The following SULT4A1 variants were observed in gnomAD, a reference collection of about 807,000 sequenced individuals.
SULT4A1 encodes sulfotransferase 4A1.
In SULT4A1, 11 loss-of-function variants were observed where a neutral mutation model predicts 35.2. The ratio of observed to expected loss-of-function variants is 0.31; its 90% confidence interval spans 0.20 to 0.52. SULT4A1 has a LOEUF of 0.52. SULT4A1 is among the 20% of genes least tolerant of loss of function. The pLI, the probability that SULT4A1 is intolerant of heterozygous loss-of-function variation, is 0.97. For missense variants in SULT4A1, 271 were observed against 383.7 expected (o/e 0.71, Z 2.45); for synonymous variants, 152 against 151.8 (o/e 1.00, Z -0.01).
rs1384618245 is a variant in SULT4A1 at position 43,844,889 on chromosome 22, G to A, written c.170-2957C>T. ...ACACCTGGTGCAGGCAGGAGGAAGCGGGGCCCCGCCTGGACCACACATGGG... is the reference window on the plus strand; with the variant it reads ...ACACCTGGTGCAGGCAGGAGGAAGCAGGGCCCCGCCTGGACCACACATGGG... On this transcript the variant is annotated intron_variant, in intron 1 of 6. Coordinates refer to ENST00000330884, the MANE Select transcript of SULT4A1 (RefSeq NM_014351.4). 6.6e-5 allele frequency among the ~76,000 whole-genome samples: 10 copies of A among 152,308 alleles called. No individual in the cohort carries two copies. In the South Asian group the frequency reaches 1.7e-3, roughly 25 times the overall value.
intron 4 of SULT4A1, among the ~76,000 whole-genome samples, chr22:43,837,281 T>C (rs567653187): frequency 6.6e-6 from 1 of 152,276 alleles, no homozygotes; most frequent in East Asian, 1.9e-4. Flanking sequence ...CAGTGGAGGA[T>C]GGGTCTGTGA....
intron 5 of SULT4A1, among the ~76,000 whole-genome samples, 182 bp downstream of exon 5, chr22:43,833,458 G>A (rs994792680): frequency 1.3e-5 from 2 of 151,372 alleles, no homozygotes; most frequent in Non-Finnish European, 2.9e-5. Flanking sequence ...CTCAGGCTTT[G>A]ACAGGCTGCT....
intron 1 of SULT4A1, among the ~76,000 whole-genome samples, chr22:43,861,845 G>C (rs1242331546): frequency 6.6e-6 from 1 of 152,248 alleles, no homozygotes; most frequent in African/African-American, 2.4e-5. Flanking sequence ...TTCAGGAACA[G>C]AGAGGTTGAG....
At chr22:43,847,703 C>T (rs1050224164) in intron 1 of SULT4A1, among the ~76,000 whole-genome samples, 3 of 152,156 alleles carry the variant, frequency 2.0e-5, no homozygotes, top group African/African-American at 7.2e-5. Flanking sequence ...GGTCACTGCT[C>T]GCAGGAAGCC....
intron 6 of SULT4A1, among the ~76,000 whole-genome samples, chr22:43,827,888 T>C: frequency 6.6e-6 from 1 of 152,166 alleles, no homozygotes; most frequent in East Asian, 1.9e-4. Flanking sequence ...CAAATATTTA[T>C]GAAAATGCAG....
chr22:43,829,789 C>T (rs900346208), intron 5 of SULT4A1, among the ~76,000 whole-genome samples: 3 of 152,168 alleles, frequency 2.0e-5, no homozygotes, highest in African/African-American at 7.2e-5. Flanking sequence ...CCACTTTCTC[C>T]CCAAGAGATG....
intron 1 of SULT4A1, among the ~76,000 whole-genome samples, chr22:43,847,752 T>C (rs1321403960): frequency 1.3e-5 from 2 of 152,244 alleles, no homozygotes; most frequent in Non-Finnish European, 2.9e-5. Context: ...TGCCCCTGCC[T>C]GGTCCCACAG....
Position 43,862,214 on chromosome 22 carries a change from C to A in SULT4A1, c.169G>T (p.Gly57Cys). Reference protein sequence around the residue: ...DVWIVTYPKSGTSLLQEVVYL... With the variant: ...DVWIVTYPKSCTSLLQEVVYL... ...CGGGCGCGGTCGGCGCGGGGCTCAC[C>A]GGACTTGGGGTAGGTGACGATCCAC... The change falls in exon 1 of 7, where the codon GGC becomes TGC. Residue 57 changes from glycine to cysteine, a missense_variant and splice_region_variant. Around this residue, in one of 3 missense-constraint regions of SULT4A1, gnomAD observed 164 missense variants for 254.1 expected, o/e 0.65. Coordinates refer to ENST00000330884, the MANE Select transcript of SULT4A1 (RefSeq NM_014351.4). The A allele has an allele frequency of 6.5e-7, 1 of 1,548,340 alleles. No homozygotes were observed. Among genetic ancestry groups the A allele is most frequent in the Admixed American group, 1.9e-5 (1 of 53,744 alleles).
Position 43,825,773 on chromosome 22 carries a change from G to A in SULT4A1, c.*228C>T, listed in dbSNP as rs558906613. 464 of 508,912 alleles carry A rather than the reference G, an allele frequency of 9.1e-4. 6 individuals carry two copies. Among genetic ancestry groups the A allele is most frequent in the South Asian group, 1.3e-3 (56 of 43,408 alleles). 31.5% of individuals were successfully genotyped at this position (508,912 alleles called of 1,614,324 possible). On this transcript the variant is annotated 3_prime_UTR_variant, in exon 7 of 7. Transcript: ENST00000330884. Reference sequence around the variant, plus strand: ...GTCCAGGCCATTGGAACTGCAATGTGGAGACTGTTTGTAATCAGACATGGA... The same window carrying A: ...GTCCAGGCCATTGGAACTGCAATGTAGAGACTGTTTGTAATCAGACATGGA...
chr22:43,846,105 G>GTT (rs1401707019), intron 1 of SULT4A1, among the ~76,000 whole-genome samples: 1 of 152,142 alleles, frequency 6.6e-6, no homozygotes, highest in Non-Finnish European at 1.5e-5. Context: ...CCTTCACCAT[G>GTT]TTCCACTCCC....
At chr22:43,836,489 A>C (rs1478925202) in intron 4 of SULT4A1, among the ~76,000 whole-genome samples, 12 of 92,936 alleles carry the variant, frequency 1.3e-4, no homozygotes, top group Non-Finnish European at 2.0e-4. Flanking sequence ...AGCGTCCTCC[A>C]ACTGCAGGTG....
chr22:43,841,361 G>A (rs977877707), intron 2 of SULT4A1, among the ~76,000 whole-genome samples: 2 of 152,192 alleles, frequency 1.3e-5, no homozygotes, highest in African/African-American at 2.4e-5. Context: ...AACTAAAGAG[G>A]TGCAGCGGAC....
intron 1 of SULT4A1, among the ~76,000 whole-genome samples, chr22:43,848,752 G>A (rs1398828246): frequency 1.3e-5 from 2 of 152,220 alleles, no homozygotes; most frequent in Non-Finnish European, 2.9e-5. Flanking sequence ...CCGCTGCCGA[G>A]GTGGGGGCCT....
rs144542554 is a variant in SULT4A1, at chr22:43,841,870, C to T, written c.232G>A (p.Gly78Ser). ...VSQGADPDEI[G>S]LMNIDEQLPV... Reference sequence around the variant, plus strand: ...AGCTGCTCGTCGATGTTCATCAAGCCGATCTCATCGGGGTCAGCGCCCTGG... The same window carrying T: ...AGCTGCTCGTCGATGTTCATCAAGCTGATCTCATCGGGGTCAGCGCCCTGG... Residue 78 changes from glycine (G) to serine (S), a missense_variant, in exon 2 of 7, where the codon GGC becomes AGC. Gly to Ser is a moderately conservative substitution (Grantham distance 56). This residue lies in a region of SULT4A1 where 164 missense variants were observed against 254.1 expected (regional missense o/e 0.65). Coordinates refer to ENST00000330884, the MANE Select transcript of SULT4A1 (RefSeq NM_014351.4). 23 of 1,613,936 alleles carry T rather than the reference C, an allele frequency of 1.4e-5. No individual in the cohort carries two copies. The highest frequency in any genetic ancestry group is 1.6e-4 in the Middle Eastern group (1 of 6,080).
At chr22:43,853,109 C>T (rs1360224746) in intron 1 of SULT4A1, among the ~76,000 whole-genome samples, 2 of 151,920 alleles carry the variant, frequency 1.3e-5, no homozygotes, top group Non-Finnish European at 2.9e-5. Context: ...CACGCACACA[C>T]ACACCAGACA....
intron 6 of SULT4A1, chr22:43,826,860 C>T: frequency 1.0e-6 from 1 of 985,454 alleles, no homozygotes; most frequent in Non-Finnish European, 1.2e-6. Flanking sequence ...CCCAGCTGCT[C>T]TAGCCCAGGC....
chr22:43,853,517 G>A (rs768504057), intron 1 of SULT4A1, among the ~76,000 whole-genome samples: 32 of 152,208 alleles, frequency 2.1e-4, no homozygotes, highest in Non-Finnish European at 4.1e-4. Context: ...CCCTCCTCCT[G>A]CTGGGGTGAT....
intron 1 of SULT4A1, among the ~76,000 whole-genome samples, chr22:43,850,344 C>A (rs746392880): frequency 6.6e-6 from 1 of 152,192 alleles, no homozygotes. Flanking sequence ...CCGATACAGT[C>A]GCAGCACGAT....
intron 1 of SULT4A1, among the ~76,000 whole-genome samples, chr22:43,849,497 C>T (rs2063497158): frequency 6.6e-6 from 1 of 152,152 alleles, no homozygotes; most frequent in South Asian, 2.1e-4. Flanking sequence ...AGTAACTGGA[C>T]GTCAGAGACT....
Sources: gnomAD v4.1 joint callset for allele counts (sites outside exome capture counted in the v4.1 genomes callset) on GRCh38, gnomAD v4.1.1 for gene constraint, gnomAD v4.1.1 regional missense constraint, MANE v1.5 for transcripts, NCBI Gene and HGNC (gene_info 2026-07-23, HGNC 2026-07-21) for gene names.